The following BRD4 variants were observed in gnomAD, a reference collection of about 807,000 sequenced individuals.
BRD4 encodes the protein bromodomain-containing protein 4.
BRD4 carries 16 observed loss-of-function variants against 142.1 expected under a neutral mutation model. That is an observed-to-expected ratio of 0.11 (90% confidence interval 0.08 to 0.17). The LOEUF is 0.17. Ranked by LOEUF, BRD4 falls within the 10% of genes least tolerant of loss-of-function variation. BRD4 has a pLI of 1.00. For synonymous variants in BRD4, 833 were observed against 707.5 expected, an observed-to-expected ratio of 1.18 and a Z score of -2.82; for missense variants, 1,424 against 1,810.9, an observed-to-expected ratio of 0.79 and a Z score of 3.88.
intron 11 of BRD4, chr19:15,249,413 A>C (rs2047320811): frequency 1.3e-6 from 2 of 1,540,374 alleles, no homozygotes; most frequent in African/African-American, 1.4e-5. Flanking sequence ...GATGGGCACA[A>C]GAACGGCACT....
At chr19:15,278,748 T>C (rs555563629) in intron 1 of BRD4, among the ~76,000 whole-genome samples, 15 of 152,146 alleles carry the variant, frequency 9.9e-5, no homozygotes, top group East Asian at 5.8e-4. Context: ...TTTAAGGATG[T>C]TGTGAACCAA....
intron 1 of BRD4, among the ~76,000 whole-genome samples, chr19:15,323,178 T>TAACA (rs1555748004): frequency 5.5e-5 from 4 of 73,050 alleles, no homozygotes; most frequent in Admixed American, 1.8e-4. Context: ...TCCATCTCTT[T>TAACA]AAAAAAAAAA....
chr19:15,240,621 C>T (rs1398477024), intron 14 of BRD4, among the ~76,000 whole-genome samples: 3 of 152,220 alleles, frequency 2.0e-5, no homozygotes, highest in Non-Finnish European at 4.4e-5. Flanking sequence ...CGGAAAAGGG[C>T]CTGGAGCTGT....
chr19:15,278,105 C>CAAAAAAAA (rs59204229), intron 1 of BRD4, among the ~76,000 whole-genome samples: 14 of 55,038 alleles, frequency 2.5e-4, no homozygotes, highest in East Asian at 8.0e-4. Flanking sequence ...GACTCCGTCT[C>CAAAAAAAA]AAAAAAAAAA....
Position 15,238,979 on chromosome 19 carries a change from T to G in BRD4, c.3784A>C (p.Ser1262Arg), listed in dbSNP as rs2145498977. 1 of 1,584,444 alleles carries G rather than the reference T, an allele frequency of 6.3e-7. No homozygotes were observed. The highest frequency in any genetic ancestry group is 1.1e-5 in the South Asian group (1 of 89,504). ...KERLRQERMRSREDEDALEQA... is the reference protein window; with the variant it reads ...KERLRQERMRRREDEDALEQA... The stretch of plus-strand genomic sequence containing the variant: ...TCCAGCGCATCCTCGTCCTCTCGGC[T>G]CCTGGGCAGAGGGTCCCAGTCAGCC... The change falls in exon 19 of 20, where the codon AGC (serine) becomes CGC (arginine). Residue 1262 changes from serine to arginine, a missense_variant and splice_region_variant. Coordinates refer to ENST00000679869, the MANE Select transcript of BRD4 (RefSeq NM_001379291.1). This position sits in a 1 kb window ranked among gnomAD's most constrained non-coding sequence, Gnocchi z 7.2.
chr19:15,250,942 C>T (rs1186999690), intron 11 of BRD4, among the ~76,000 whole-genome samples: 1 of 152,152 alleles, frequency 6.6e-6, no homozygotes. Context: ...GGGAGAGTGG[C>T]ATTTGTGCCC....
chr19:15,327,357 G>A (rs1217401848), intron 1 of BRD4, among the ~76,000 whole-genome samples: 3 of 152,088 alleles, frequency 2.0e-5, no homozygotes, highest in East Asian at 1.9e-4. Flanking sequence ...AGGCCAACAT[G>A]GTGAAACCCC....
chr19:15,264,445 A>G lies in BRD4; in HGVS notation c.1171T>C (p.Cys391Arg), dbSNP rs1408782691. 7 of 1,613,536 alleles carry G rather than the reference A, an allele frequency of 4.3e-6. No homozygotes were observed. The South Asian group carries it at 6.6e-5, about 15-fold the overall frequency. Residue 391 changes from cysteine (C) to arginine (R), a missense_variant, in exon 6 of 20, where the codon TGT (cysteine) becomes CGT (arginine). Physicochemically the swap from Cys to Arg is radical, Grantham distance 180. Around this residue, in one of 16 missense-constraint regions of BRD4, gnomAD observed 30 missense variants for 65.2 expected, o/e 0.46. Transcript: ENST00000679869. ...DVEALGLHDYCDIIKHPMDMS... is the reference protein window; with the variant it reads ...DVEALGLHDYRDIIKHPMDMS... ...TCCATGGGGTGCTTGATGATGTCAC[A>G]GTAGTCGTGTAGGCCCAGTGCCTCC... is the stretch of plus-strand genomic sequence containing the variant.
At chr19:15,323,114 G>A (rs1240927774) in intron 1 of BRD4, among the ~76,000 whole-genome samples, 1 of 142,820 alleles carries the variant, frequency 7.0e-6, no homozygotes, top group East Asian at 2.1e-4. Context: ...GGCTGAGGCA[G>A]GAGGATCATT....
chr19:15,309,551 A>C (rs1474191246), intron 1 of BRD4, among the ~76,000 whole-genome samples: 2 of 152,194 alleles, frequency 1.3e-5, no homozygotes, highest in African/African-American at 4.8e-5. Context: ...TGTCCCAGAA[A>C]TTCCTCCCCT....
At chr19:15,278,737 G>A (rs904560874) in intron 1 of BRD4, among the ~76,000 whole-genome samples, 4 of 151,656 alleles carry the variant, frequency 2.6e-5, no homozygotes, top group Non-Finnish European at 5.9e-5. Flanking sequence ...AAACTGAGAC[G>A]TTTAAGGATG....
intron 7 of BRD4, among the ~76,000 whole-genome samples, chr19:15,261,229 G>GT (rs1275032758): frequency 8.5e-5 from 13 of 152,346 alleles, no homozygotes; most frequent in Middle Eastern, 3.4e-3. Context: ...GCTCACGCCT[G>GT]TAATTCCAGC....
rs551722840 is a variant in BRD4 at position 15,265,401 on chromosome 19, C to A, written c.802G>T (p.Val268Leu). The change falls in exon 5 of 20, where the codon GTA becomes TTA. Residue 268 changes from valine (V) to leucine (L), a missense_variant. Transcript: ENST00000679869. The stretch of plus-strand genomic sequence containing the variant: ...GCGATGATGGGTGGGTGGCTCTGTA[C>A]GGGCTGGGGAGCTGGAGCGGGTGGG... ...QPPPAPAPQP[V>L]QSHPPIIAAT... 6 of 1,339,428 alleles carry A rather than the reference C, an allele frequency of 4.5e-6. No individual in the cohort carries two copies. The South Asian group carries it at 8.0e-5, about 18-fold the overall frequency. 83.0% of individuals were successfully genotyped at this position (1,339,428 alleles called of 1,614,324 possible).
intron 6 of BRD4, 65 bp downstream of exon 6, chr19:15,264,339 G>A (rs1568387964): frequency 6.5e-7 from 1 of 1,529,924 alleles, no homozygotes; most frequent in East Asian, 2.3e-5. Flanking sequence ...AAAGGTCTAG[G>A]AAGGTTCTGA....
intron 2 of BRD4, among the ~76,000 whole-genome samples, chr19:15,271,551 C>T (rs2047587298): frequency 6.6e-6 from 1 of 152,190 alleles, no homozygotes; most frequent in South Asian, 2.1e-4. Flanking sequence ...CTCCAGTCCC[C>T]AGTTCCTTCT....
At chr19:15,245,882 T>C (rs548845121) in intron 11 of BRD4, among the ~76,000 whole-genome samples, 10 of 152,216 alleles carry the variant, frequency 6.6e-5, no homozygotes, top group African/African-American at 1.7e-4. Flanking sequence ...GGAGGACACA[T>C]GCTTTGCCCA....
chr19:15,263,646 G>C lies in BRD4; in HGVS notation c.1213-98C>G, dbSNP rs895032654. On this transcript the variant is annotated intron_variant, in intron 6 of 19. Coordinates refer to ENST00000679869, the MANE Select transcript of BRD4 (RefSeq NM_001379291.1). Reference sequence around the variant, plus strand: ...AAAGGGATGCCTAGAAGAGCAAGTTGGTTTCTTGGCTCTCAGTTTGGTCAA... The same window carrying C: ...AAAGGGATGCCTAGAAGAGCAAGTTCGTTTCTTGGCTCTCAGTTTGGTCAA... 3 of 1,501,806 alleles carry C rather than the reference G, an allele frequency of 2.0e-6. No homozygotes were observed. The Admixed American group carries it at 5.3e-5, about 27-fold the overall frequency. The allele number at this position is 1,501,806 out of a possible 1,614,324, so 93.0% of individuals were successfully genotyped here.
intron 1 of BRD4, among the ~76,000 whole-genome samples, chr19:15,311,847 G>A (rs1168224765): frequency 6.6e-6 from 1 of 152,066 alleles, no homozygotes; most frequent in Non-Finnish European, 1.5e-5. Flanking sequence ...AATACTGTCT[G>A]ATTCTACTTA....
At chr19:15,311,325 G>A (rs926391742) in intron 1 of BRD4, among the ~76,000 whole-genome samples, 1 of 151,710 alleles carries the variant, frequency 6.6e-6, no homozygotes, top group African/African-American at 2.4e-5. Context: ...ACAGTAGGCA[G>A]GTGGATATTT....
Sources: allele counts gnomAD v4.1 joint callset (sites outside exome capture counted in the v4.1 genomes callset), GRCh38; gene constraint gnomAD v4.1.1; regional missense constraint gnomAD v4.1.1; non-coding constraint Gnocchi (gnomAD v3.1); transcripts MANE v1.5; gene names NCBI Gene and HGNC (gene_info 2026-07-23, HGNC 2026-07-21).